Variants in RNF150 observed in about 807,000 individuals in gnomAD.
The protein encoded by RNF150 is ring finger protein 150.
Under a neutral mutation model 39.3 loss-of-function variants are expected in RNF150, and 24 were observed. That is an observed-to-expected ratio of 0.61 (90% CI 0.44 to 0.86). The LOEUF is 0.86. Among genes scored for constraint, RNF150 ranks in the 40% least tolerant of loss-of-function variants. The pLI is 0.00. For synonymous variants in RNF150, 255 were observed against 227.3 expected, an observed-to-expected ratio of 1.12 and a Z score of -1.10; for missense variants, 502 against 587.8, an observed-to-expected ratio of 0.85 and a Z score of 1.51.
chr4:141,189,671 A>T (rs951932584), intron 1 of RNF150, among the ~76,000 whole-genome samples: 3 of 152,070 alleles, frequency 2.0e-5, no homozygotes, highest in African/African-American at 7.2e-5. Flanking sequence ...AGCCAGTCCG[A>T]ACTTCTCAGT....
At chr4:141,043,554 A>T (rs1736451232) in intron 1 of RNF150, among the ~76,000 whole-genome samples, 1 of 152,192 alleles carries the variant, frequency 6.6e-6, no homozygotes, top group Non-Finnish European at 1.5e-5. Flanking sequence ...GACTAAAAAA[A>T]TGTAAGTGCT....
intron 1 of RNF150, among the ~76,000 whole-genome samples, chr4:141,165,616 A>T (rs1215164178): frequency 1.3e-5 from 2 of 152,242 alleles, no homozygotes; most frequent in Non-Finnish European, 2.9e-5. Context: ...CCACAGGGCA[A>T]TCAAATTAAA....
At chr4:140,950,999 C>A (rs923489914) in intron 2 of RNF150, among the ~76,000 whole-genome samples, 1 of 151,990 alleles carries the variant, frequency 6.6e-6, no homozygotes, top group Non-Finnish European at 1.5e-5. Context: ...AACAGGAGAG[C>A]GAGAGAAAAA....
intron 1 of RNF150, among the ~76,000 whole-genome samples, chr4:141,044,962 G>A (rs1736514895): frequency 6.6e-6 from 1 of 152,208 alleles, no homozygotes; most frequent in Non-Finnish European, 1.5e-5. Context: ...TATTTACCAT[G>A]TGCCAAGGCA....
chr4:140,984,819 C>T (rs919752180), intron 1 of RNF150, among the ~76,000 whole-genome samples: 15 of 152,108 alleles, frequency 9.9e-5, no homozygotes, highest in African/African-American at 3.6e-4. Flanking sequence ...TTTCCTCCCT[C>T]ACTGTGCTAG....
chr4:141,058,119 C>A (rs1737062946), intron 1 of RNF150, among the ~76,000 whole-genome samples: 1 of 152,022 alleles, frequency 6.6e-6, no homozygotes, highest in Non-Finnish European at 1.5e-5. Context: ...ATGGATACAT[C>A]CCTGTTAAAA....
chr4:141,073,920 G>T (rs1737799435), intron 1 of RNF150, among the ~76,000 whole-genome samples: 1 of 151,986 alleles, frequency 6.6e-6, no homozygotes, highest in African/African-American at 2.4e-5. Context: ...GTTGCATTCA[G>T]TTCAGAGGGC....
chr4:140,945,558 TATATATAC>T (rs1054341517), intron 4 of RNF150, among the ~76,000 whole-genome samples: 13 of 142,290 alleles, frequency 9.1e-5, no homozygotes, highest in East Asian at 8.3e-4. Context: ...ACACTACATA[TATATATAC>T]ATATATACAT....
intron 1 of RNF150, among the ~76,000 whole-genome samples, chr4:141,117,767 T>C (rs1402568807): frequency 1.3e-5 from 2 of 152,230 alleles, no homozygotes; most frequent in Non-Finnish European, 2.9e-5. Flanking sequence ...AGACACCTAA[T>C]GCAGTGCCTA....
At chr4:140,994,665 A>T (rs1734306604) in intron 1 of RNF150, among the ~76,000 whole-genome samples, 1 of 152,230 alleles carries the variant, frequency 6.6e-6, no homozygotes, top group African/African-American at 2.4e-5. Context: ...AAATGAAAAA[A>T]GGTTTTACAC....
chr4:140,994,923 T>A (rs1734315409), intron 1 of RNF150, among the ~76,000 whole-genome samples: 1 of 152,228 alleles, frequency 6.6e-6, no homozygotes, highest in South Asian at 2.1e-4. Flanking sequence ...CAATGCTTAA[T>A]AATAATCATA....
chr4:141,045,901 C>T (rs186171975), intron 1 of RNF150, among the ~76,000 whole-genome samples: 13 of 152,168 alleles, frequency 8.5e-5, no homozygotes, highest in Admixed American at 2.0e-4. Flanking sequence ...TCCCAATAAA[C>T]GGATCTTCTT....
intron 1 of RNF150, among the ~76,000 whole-genome samples, chr4:141,168,914 G>A (rs1028560479): frequency 2.0e-5 from 3 of 152,100 alleles, no homozygotes; most frequent in African/African-American, 7.2e-5. Context: ...TGAACGTTCT[G>A]CACATGTATC....
intron 1 of RNF150, among the ~76,000 whole-genome samples, chr4:141,142,878 T>TC (rs1396187309): frequency 6.6e-6 from 1 of 151,912 alleles, no homozygotes; most frequent in East Asian, 1.9e-4. Context: ...TTTTCTCTTT[T>TC]TTTTTTTTTT....
chr4:141,174,049 A>G lies in RNF150; in HGVS notation c.-6+38745T>C, dbSNP rs144665556. Among the ~76,000 whole-genome samples the G allele has an allele frequency of 7.9e-4, 120 of 152,324 alleles. 2 individuals are homozygous for G. The highest frequency in any genetic ancestry group is 2.7e-3 in the African/African-American group (111 of 41,572). Reference sequence around the variant, plus strand: ...CATATTTTGGAGATGTTTCTGTGGTAAATTCTAGTTGACTTCAGTAGTCAT... The same window carrying G: ...CATATTTTGGAGATGTTTCTGTGGTGAATTCTAGTTGACTTCAGTAGTCAT... On this transcript the variant is annotated intron_variant, in intron 1 of 7. Coordinates refer to the RNF150 transcript ENST00000420921.
intron 1 of RNF150, among the ~76,000 whole-genome samples, chr4:140,982,409 C>A (rs1382407484): frequency 6.6e-6 from 1 of 152,128 alleles, no homozygotes; most frequent in Non-Finnish European, 1.5e-5. Flanking sequence ...CACACCCACA[C>A]CTCTGTTCAC....
chr4:141,000,087 G>GAGAAGGAGAAGA (rs1734603473), intron 1 of RNF150, among the ~76,000 whole-genome samples: 1 of 35,902 alleles, frequency 2.8e-5, no homozygotes, highest in Non-Finnish European at 5.3e-5. Context: ...GAAGAAGAAG[G>GAGAAGGAGAAGA]AGAAGAAGAA....
intron 5 of RNF150, among the ~76,000 whole-genome samples, chr4:140,920,382 T>C (rs1485792793): frequency 6.8e-6 from 1 of 147,242 alleles, no homozygotes; most frequent in Non-Finnish European, 1.5e-5. Flanking sequence ...GCAAAGGACA[T>C]GAACAGACAC....
At chr4:141,181,369 T>G (rs934552439) in intron 1 of RNF150, among the ~76,000 whole-genome samples, 11 of 152,246 alleles carry the variant, frequency 7.2e-5, no homozygotes, top group African/African-American at 2.7e-4. Flanking sequence ...AATATTCCTG[T>G]AACTGTGGCT....
Sources: allele counts gnomAD v4.1 joint callset (sites outside exome capture counted in the v4.1 genomes callset), GRCh38; gene constraint gnomAD v4.1.1; transcripts MANE v1.5; gene names NCBI Gene and HGNC (gene_info 2026-07-23, HGNC 2026-07-21).